NXPE2: variants seen among roughly 807,000 people sequenced by gnomAD.
The protein encoded by NXPE2 is NXPE family member 2.
Under a neutral mutation model 34.4 loss-of-function variants are expected in NXPE2, and 34 were observed. That is an observed-to-expected ratio of 0.99 (90% CI 0.75 to 1.31). The LOEUF is 1.31. Ranked by LOEUF, NXPE2 falls within the 40% of genes most tolerant of loss-of-function variation. NXPE2 has a pLI of 0.00. For synonymous variants in NXPE2, 235 were observed against 231.3 expected (o/e 1.02, Z -0.15); for missense variants, 649 against 672.5 (o/e 0.97, Z 0.39).
At chr11:114,794,378 T>C in the NXPE2 span, among the ~76,000 whole-genome samples, 80,328 of 152,012 alleles carry the variant, frequency 0.53, 22,773 homozygotes, top group East Asian at 0.65. Flanking sequence ...TGGGGACATT[T>C]AGTTGGCCCA....
chr11:114,786,214 T>C, the NXPE2 span, among the ~76,000 whole-genome samples: 1 of 152,216 alleles, frequency 6.6e-6, no homozygotes, highest in Non-Finnish European at 1.5e-5. Context: ...AGTTTGTATT[T>C]TTATCTGGAA....
the NXPE2 span, chr11:114,553,879 T>C: frequency 1.0e-6 from 1 of 968,130 alleles, no homozygotes. Context: ...CCATGATGGG[T>C]ACATTTAGAT....
At chr11:114,734,283 T>C in the NXPE2 span, among the ~76,000 whole-genome samples, 2 of 152,236 alleles carry the variant, frequency 1.3e-5, no homozygotes, top group Non-Finnish European at 2.9e-5. Flanking sequence ...TAATCTGATA[T>C]AAATTTGGCA....
At chr11:114,726,826 A>G in the NXPE2 span, among the ~76,000 whole-genome samples, 5 of 152,030 alleles carry the variant, frequency 3.3e-5, no homozygotes, top group African/African-American at 7.2e-5. Context: ...GTTCTTTGCC[A>G]CTTTATAACA....
intron 2 of NXPE2, among the ~76,000 whole-genome samples, chr11:114,693,019 A>C (rs1439016290): frequency 6.6e-6 from 1 of 152,212 alleles, no homozygotes; most frequent in Non-Finnish European, 1.5e-5. Flanking sequence ...CAATTATCTC[A>C]AAATAAAAAG....
the NXPE2 span, chr11:114,553,622 T>G: frequency 1.4e-6 from 1 of 704,536 alleles, no homozygotes; most frequent in Non-Finnish European, 1.7e-6. Context: ...CATAAGTAAC[T>G]GCAAATCAGA....
the NXPE2 span, among the ~76,000 whole-genome samples, chr11:114,632,979 T>C: frequency 1.9e-5 from 2 of 104,146 alleles, no homozygotes; most frequent in Non-Finnish European, 3.4e-5. Context: ...TTATATATTA[T>C]ATATTTTTAT....
At chr11:114,582,453 A>G in the NXPE2 span, 2 of 1,614,168 alleles carry the variant, frequency 1.2e-6, no homozygotes, top group Non-Finnish European at 1.7e-6. Flanking sequence ...TGTGTTTAGG[A>G]TCAGGCCACA....
chr11:114,755,714 A>G, the NXPE2 span, among the ~76,000 whole-genome samples: 2 of 141,056 alleles, frequency 1.4e-5, no homozygotes, highest in African/African-American at 2.7e-5. Flanking sequence ...CTATCCATCT[A>G]TCTCTGTCTA....
chr11:114,739,078 A>T, the NXPE2 span, among the ~76,000 whole-genome samples: 78,758 of 151,848 alleles, frequency 0.52, 21,399 homozygotes, highest in Middle Eastern at 0.64. Context: ...TAATTTAAGC[A>T]GGCAAGTTTA....
At chr11:114,584,210 C>T in the NXPE2 span, 2 of 376,100 alleles carry the variant, frequency 5.3e-6, no homozygotes, top group Non-Finnish European at 1.1e-5. Context: ...AGAGCTGTGG[C>T]TCTGGATATG....
the NXPE2 span, among the ~76,000 whole-genome samples, chr11:114,566,183 G>T: frequency 6.6e-6 from 1 of 152,086 alleles, no homozygotes; most frequent in East Asian, 1.9e-4. Context: ...AGAAATCAGA[G>T]CTGGAGACAA....
At chr11:114,621,032 C>T in the NXPE2 span, among the ~76,000 whole-genome samples, 1 of 152,108 alleles carries the variant, frequency 6.6e-6, no homozygotes, top group Non-Finnish European at 1.5e-5. Context: ...CACTGTTACG[C>T]AGTGCACAAT....
the NXPE2 span, among the ~76,000 whole-genome samples, chr11:114,592,253 T>A: frequency 6.6e-6 from 1 of 152,144 alleles, no homozygotes; most frequent in Non-Finnish European, 1.5e-5. Flanking sequence ...GCAGACCACA[T>A]AAACTTATAT....
At chr11:114,475,404 C>T in the NXPE2 span, among the ~76,000 whole-genome samples, 2 of 151,864 alleles carry the variant, frequency 1.3e-5, no homozygotes, top group Non-Finnish European at 2.9e-5. Flanking sequence ...TCACCATGCC[C>T]ACCTAATTTT....
chr11:114,580,832 A>C, the NXPE2 span, among the ~76,000 whole-genome samples: 6 of 152,170 alleles, frequency 3.9e-5, no homozygotes, highest in African/African-American at 1.4e-4. Context: ...GAATATAGCT[A>C]TAGGCTGGAG....
intron 2 of NXPE2, among the ~76,000 whole-genome samples, chr11:114,681,543 A>G (rs929160660): frequency 6.6e-6 from 1 of 152,138 alleles, no homozygotes; most frequent in Admixed American, 6.5e-5. Flanking sequence ...CCAGGTTTTC[A>G]TGTAACTTCC....
At chr11:114,659,780 A>C in the NXPE2 span, among the ~76,000 whole-genome samples, 1 of 152,162 alleles carries the variant, frequency 6.6e-6, no homozygotes, top group South Asian at 2.1e-4. Context: ...AAAGAAAAAC[A>C]AATTAAACCC....
the NXPE2 span, among the ~76,000 whole-genome samples, chr11:114,471,114 C>G: frequency 6.6e-6 from 1 of 152,188 alleles, no homozygotes; most frequent in East Asian, 1.9e-4. Flanking sequence ...CAGTGCCTAT[C>G]TAAGAGAATG....
Sources: allele counts gnomAD v4.1 joint callset (sites outside exome capture counted in the v4.1 genomes callset), GRCh38; gene constraint gnomAD v4.1.1; transcripts MANE v1.5; gene names NCBI Gene and HGNC (gene_info 2026-07-23, HGNC 2026-07-21).